FRY: variants seen among roughly 807,000 people sequenced by gnomAD.
FRY encodes the protein protein furry homolog.
In FRY, 128 loss-of-function variants were observed where a neutral mutation model predicts 348.4. The observed-to-expected ratio is 0.37, with a 90% CI of 0.32 to 0.43. FRY has a LOEUF of 0.43. Among genes scored for constraint, FRY ranks in the 20% least tolerant of loss-of-function variants. The probability of loss-of-function intolerance (pLI) is 1.00; values close to 1 mark genes in which losing one functional copy is unlikely to be tolerated. For missense variants in FRY, 2,736 were observed against 3,695.2 expected, an observed-to-expected ratio of 0.74 and a Z score of 6.73; for synonymous variants, 1,370 against 1,374.7, an observed-to-expected ratio of 1.00 and a Z score of 0.08.
At chr13:32,086,059 C>T (rs758752800) in intron 2 of FRY, 7 of 502,966 alleles carry the variant, frequency 1.4e-5, no homozygotes, top group South Asian at 1.0e-4. Flanking sequence ...TGAGGTAAGT[C>T]CGCCTCTGAG....
At chr13:32,090,551 C>T (rs1253229131) in intron 2 of FRY, among the ~76,000 whole-genome samples, 3 of 152,066 alleles carry the variant, frequency 2.0e-5, no homozygotes, top group Admixed American at 1.3e-4. Flanking sequence ...CATCCACACA[C>T]ACTGTAGTAG....
chr13:32,139,343 TC>T (rs1191264298), intron 11 of FRY, among the ~76,000 whole-genome samples: 1 of 152,178 alleles, frequency 6.6e-6, no homozygotes, highest in Non-Finnish European at 1.5e-5. Flanking sequence ...TCTGCACCCT[TC>T]CCTGCCTTCC....
rs1946643115 is a variant in FRY at position 32,131,796 on chromosome 13, A to G, written c.841A>G (p.Met281Val). The change falls in exon 8 of 61, where the codon ATG becomes GTG. Residue 281 changes from methionine to valine, a missense_variant. By Grantham distance (21) the Met-to-Val change is conservative. Transcript: ENST00000542859. ...IMGMKFFRIK[M>V]YPVEDFEASL... The stretch of plus-strand genomic sequence containing the variant: ...GGGCATGAAATTCTTTCGAATTAAG[A>G]TGTATCCAGTGGAGGATTTTGAGGC... 2 of 1,613,870 alleles carry G rather than the reference A, an allele frequency of 1.2e-6. No individual in the cohort carries two copies. The highest frequency in any genetic ancestry group is 1.7e-6 in the Non-Finnish European group (2 of 1,179,724).
intron 40 of FRY, 39 bp from the exon 41 acceptor site, chr13:32,231,140 G>T (rs373382069): frequency 1.2e-6 from 2 of 1,602,544 alleles, no homozygotes; most frequent in Non-Finnish European, 8.5e-7. Context: ...AATGCAAAAT[G>T]ACAGTTATAT....
chr13:32,080,001 A>G (rs1875375815), intron 2 of FRY, among the ~76,000 whole-genome samples: 1 of 152,260 alleles, frequency 6.6e-6, no homozygotes, highest in Non-Finnish European at 1.5e-5. Flanking sequence ...GCACATCATC[A>G]GTTAAAAATG....
At chr13:32,164,644 C>T (rs919648044) in intron 17 of FRY, among the ~76,000 whole-genome samples, 2 of 152,178 alleles carry the variant, frequency 1.3e-5, no homozygotes, top group African/African-American at 4.8e-5. Flanking sequence ...AGAACCTTTC[C>T]ATGTGGCTCC....
intron 20 of FRY, 71 bp downstream of exon 20, chr13:32,175,703 AT>A: frequency 2.2e-6 from 2 of 889,612 alleles, no homozygotes; most frequent in Non-Finnish European, 3.8e-6. Flanking sequence ...TCAGTGAAAA[AT>A]TATGTGGAAT....
chr13:32,239,217 ATTCAGCTATC>A lies in FRY; in HGVS notation c.6419-33_6419-24del. On this transcript the variant is annotated intron_variant, in intron 44 of 60. Coordinates refer to ENST00000542859, the MANE Select transcript of FRY (RefSeq NM_023037.3). This position sits in a 1 kb window ranked among gnomAD's most constrained non-coding sequence, Gnocchi z 4.3. Reference sequence around the variant, plus strand: ...ACTGTTAACAGCTAAAATATACCATATTCAGCTATCTCCATTGTATCTTCTCTAATCCAGG... The same window carrying A: ...ACTGTTAACAGCTAAAATATACCATATCCATTGTATCTTCTCTAATCCAGG... 8.1e-7 allele frequency: 1 copy of A among 1,233,084 alleles called. No individual in the cohort carries two copies. The highest frequency in any genetic ancestry group is 2.3e-5 in the East Asian group (1 of 43,186). The allele number at this position is 1,233,084 out of a possible 1,614,324, so 76.4% of individuals were successfully genotyped here.
At position 32,092,693 on chromosome 13, in the gene FRY, G is replaced by C. The variant is rs550028435; in HGVS notation, c.271-9270G>C. On this transcript the variant is annotated intron_variant, in intron 2 of 60. Transcript: ENST00000542859. ...TGGGACAGCAGTAGTCTCTGATTCA[G>C]AGGGAGAAAACTCAAAGAGAAACCC... Among the ~76,000 whole-genome samples, 5 of 152,280 alleles carry C rather than the reference G, an allele frequency of 3.3e-5. No individual in the cohort carries two copies. The South Asian group carries it at 1.0e-3, about 32-fold the overall frequency.
At chr13:32,154,121 A>AC (rs1275985453) in intron 14 of FRY, among the ~76,000 whole-genome samples, 3 of 152,154 alleles carry the variant, frequency 2.0e-5, no homozygotes, top group Admixed American at 2.0e-4. Context: ...TATTAGTACT[A>AC]CATCTGCTGA....
chr13:32,272,549 G>T lies in FRY; in HGVS notation c.8137-2293G>T, dbSNP rs191993200. On this transcript the variant is annotated intron_variant, in intron 55 of 60. Coordinates refer to ENST00000542859, the MANE Select transcript of FRY (RefSeq NM_023037.3). ...GGCACACGCCTGTGATACCAGCTAC[G>T]TGAGAGGCTGAGGTGGGCAGATTGC... 3.4e-3 allele frequency among the ~76,000 whole-genome samples: 512 copies of T among 152,242 alleles called. 1 individual carries two copies. The highest frequency in any genetic ancestry group is 4.7e-3 in the Non-Finnish European group (323 of 68,010).
At chr13:32,259,092 G>C (rs1887491625) in intron 51 of FRY, among the ~76,000 whole-genome samples, 1 of 152,134 alleles carries the variant, frequency 6.6e-6, no homozygotes, top group Non-Finnish European at 1.5e-5. Context: ...TGTTCATCTG[G>C]ACTAGCCATC....
At chr13:32,278,596 G>A (rs371372041) in intron 58 of FRY, 48 bp downstream of exon 58, 9 of 1,021,540 alleles carry the variant, frequency 8.8e-6, no homozygotes, top group South Asian at 3.8e-5. Flanking sequence ...CTAACATTGT[G>A]TATTAGTTTT....
intron 35 of FRY, among the ~76,000 whole-genome samples, chr13:32,216,158 G>C (rs1224238258): frequency 6.6e-6 from 1 of 151,984 alleles, no homozygotes; most frequent in Non-Finnish European, 1.5e-5. Context: ...ATTTTCATGA[G>C]GTATTTCTTA....
At chr13:32,205,096 A>C (rs566331231) in intron 31 of FRY, among the ~76,000 whole-genome samples, 1 of 151,790 alleles carries the variant, frequency 6.6e-6, no homozygotes, top group African/African-American at 2.4e-5. Context: ...CCAGCTACTC[A>C]GGAGGCTGAG....
At chr13:32,099,053 C>A (rs1876973348) in intron 2 of FRY, among the ~76,000 whole-genome samples, 1 of 151,744 alleles carries the variant, frequency 6.6e-6, no homozygotes, top group African/African-American at 2.4e-5. Context: ...GTAAGATCAT[C>A]TTTGTGAGTG....
At chr13:32,274,080 A>T (rs542012336) in intron 55 of FRY, among the ~76,000 whole-genome samples, 5 of 152,306 alleles carry the variant, frequency 3.3e-5, no homozygotes, top group African/African-American at 1.2e-4. Context: ...ACAAGCATCC[A>T]CGCATTGGGA....
At chr13:32,226,687 C>T (rs972135967) in intron 39 of FRY, among the ~76,000 whole-genome samples, 4 of 152,204 alleles carry the variant, frequency 2.6e-5, no homozygotes, top group Admixed American at 6.5e-5. Flanking sequence ...ATTGCATTGG[C>T]GCCAGCTGTG....
Position 32,244,066 on chromosome 13 carries a change from G to GT in FRY, c.6713dup (p.Gln2239AlafsTer34). On this transcript the variant is annotated frameshift_variant, in exon 47 of 61. Transcript: ENST00000542859. LOFTEE classifies it high-confidence loss of function. ...GCTGCTGGAGAAGGGCCTCCCTAGT[G>GT]TGCAGCAGCCCCTGCTCCAGGTGAT... 1 of 1,614,004 alleles carries GT rather than the reference G, an allele frequency of 6.2e-7. No individual in the cohort carries two copies. The highest frequency in any genetic ancestry group is 8.5e-7 in the Non-Finnish European group (1 of 1,179,888).
Sources: allele counts gnomAD v4.1 joint callset (sites outside exome capture counted in the v4.1 genomes callset), GRCh38; gene constraint gnomAD v4.1.1; non-coding constraint Gnocchi (gnomAD v3.1); transcripts MANE v1.5; gene names NCBI Gene and HGNC (gene_info 2026-07-23, HGNC 2026-07-21).